Variants in NBAS observed in about 807,000 individuals in gnomAD.
NBAS encodes NBAS subunit of NRZ tethering complex.
In NBAS, 219 loss-of-function variants were observed where a neutral mutation model predicts 302.5. The ratio of observed to expected loss-of-function variants is 0.72; its 90% CI spans 0.65 to 0.81. The LOEUF (loss-of-function observed/expected upper bound fraction) is 0.81, where lower values mean the gene tolerates loss of function less well. Among genes scored for constraint, NBAS ranks in the 30% least tolerant of loss-of-function variants. NBAS has a pLI of 0.00. For synonymous variants in NBAS, 1,118 were observed against 1,021.6 expected, an observed-to-expected ratio of 1.09 and a Z score of -1.80; for missense variants, 2,932 against 2,841.6, an observed-to-expected ratio of 1.03 and a Z score of -0.72.
chr2:15,340,529 T>C (rs1164135168), intron 35 of NBAS, among the ~76,000 whole-genome samples: 3 of 152,116 alleles, frequency 2.0e-5, no homozygotes, highest in Non-Finnish European at 1.5e-5. Flanking sequence ...AAATTAACTA[T>C]AGATGTTAGG....
chr2:15,137,012 T>C, the NBAS span, among the ~76,000 whole-genome samples: 1 of 152,142 alleles, frequency 6.6e-6, no homozygotes, highest in Non-Finnish European at 1.5e-5. Flanking sequence ...TAGTTCTTGA[T>C]ATGAGTATGA....
intron 35 of NBAS, among the ~76,000 whole-genome samples, chr2:15,350,257 A>G (rs1673288067): frequency 6.6e-6 from 1 of 152,104 alleles, no homozygotes. Flanking sequence ...AATACTAATG[A>G]CTTTGTCAAG....
chr2:15,381,801 G>A (rs953577634), intron 29 of NBAS, among the ~76,000 whole-genome samples: 1 of 152,150 alleles, frequency 6.6e-6, no homozygotes, highest in Non-Finnish European at 1.5e-5. Context: ...AGTTATTCAT[G>A]CATTTAAAAA....
intron 20 of NBAS, 84 bp from the exon 21 acceptor site, chr2:15,461,421 C>CT: frequency 7.1e-7 from 1 of 1,409,946 alleles, no homozygotes; most frequent in Non-Finnish European, 1.0e-6. Context: ...CAAAAACTAA[C>CT]TTTTTTATGC....
chr2:15,561,230 G>A lies in NBAS; in HGVS notation c.75C>T (p.Asp25=). Residue 25 remains aspartate (D), a synonymous_variant, in exon 1 of 52, where the codon GAC becomes GAT. Coordinates refer to ENST00000281513, the MANE Select transcript of NBAS (RefSeq NM_015909.4). ...GTGGCCACTCGGTGTTGACCAACAA[G>A]TCATAGAGAATCGTCTCCTCCTCAC... ...AEGEEETILY[D]LLVNTEWPPE... is the part of the protein sequence containing the mutation. The A allele has an allele frequency of 6.2e-7, 1 of 1,613,994 alleles. No individual in the cohort carries two copies. Among genetic ancestry groups the A allele is most frequent in the South Asian group, 1.1e-5 (1 of 91,072 alleles).
chr2:15,009,603 T>TACACAC, the NBAS span, among the ~76,000 whole-genome samples: 37 of 130,778 alleles, frequency 2.8e-4, no homozygotes, highest in Admixed American at 8.0e-4. Flanking sequence ...TGCAACATCA[T>TACACAC]ACACACACAC....
In NBAS at chr2:15,488,881, C is replaced by G. The variant is rs200789412; in HGVS notation, c.1083+13G>C. ...CCTTAAGAGAGTATCATTCTAATAA[C>G]CAAGAGACGCACCTGCTCATTTTGA... On this transcript the variant is annotated intron_variant, in intron 12 of 51. Coordinates refer to ENST00000281513, the MANE Select transcript of NBAS (RefSeq NM_015909.4). 1.2e-4 allele frequency: 188 copies of G among 1,613,064 alleles called. No homozygotes were observed. Among genetic ancestry groups the G allele is most frequent in the Non-Finnish European group, 1.6e-4 (183 of 1,179,398 alleles).
At chr2:14,840,642 G>GC in the NBAS span, among the ~76,000 whole-genome samples, 1 of 150,144 alleles carries the variant, frequency 6.7e-6, no homozygotes, top group Non-Finnish European at 1.5e-5. Flanking sequence ...AGTGCCAAAA[G>GC]AAAAAAAAAT....
At chr2:15,077,369 G>GACAAACTATATC in the NBAS span, among the ~76,000 whole-genome samples, 21 of 152,136 alleles carry the variant, frequency 1.4e-4, no homozygotes, top group Non-Finnish European at 2.6e-4. Flanking sequence ...GGGGCACAGA[G>GACAAACTATATC]ACAAACTATA....
the NBAS span, among the ~76,000 whole-genome samples, chr2:15,042,735 C>G: frequency 1.3e-5 from 2 of 152,166 alleles, no homozygotes; most frequent in Non-Finnish European, 2.9e-5. Flanking sequence ...GCCCTGGCTG[C>G]CTGCCTAACA....
intron 32 of NBAS, among the ~76,000 whole-genome samples, chr2:15,364,431 T>A (rs772217602): frequency 4.9e-4 from 74 of 152,194 alleles, no homozygotes; most frequent in Admixed American, 9.2e-4. Context: ...CTCGGGAGGC[T>A]AAGGCAGGAG....
At chr2:15,203,898 G>A (rs1050235867) in intron 48 of NBAS, among the ~76,000 whole-genome samples, 1 of 148,530 alleles carries the variant, frequency 6.7e-6, no homozygotes, top group Admixed American at 6.7e-5. Context: ...GCTTGTGTGT[G>A]TGTGTGTGTG....
the NBAS span, among the ~76,000 whole-genome samples, chr2:15,025,749 A>G: frequency 1.3e-5 from 2 of 151,846 alleles, no homozygotes; most frequent in Non-Finnish European, 2.9e-5. Flanking sequence ...TGCATTTCTG[A>G]TTTGGCTCTC....
the NBAS span, among the ~76,000 whole-genome samples, chr2:15,002,585 G>A: frequency 1.3e-5 from 2 of 152,218 alleles, no homozygotes; most frequent in African/African-American, 2.4e-5. Flanking sequence ...TGGAGCAGGG[G>A]GTGGCACTCA....
chr2:15,361,478 A>C (rs1197600032), intron 32 of NBAS, among the ~76,000 whole-genome samples: 3 of 151,918 alleles, frequency 2.0e-5, no homozygotes, highest in African/African-American at 7.3e-5. Flanking sequence ...GCACCACCGC[A>C]CTCCAGCCTG....
intron 34 of NBAS, among the ~76,000 whole-genome samples, 195 bp from the exon 35 acceptor site, chr2:15,352,276 C>T (rs531636418): frequency 6.6e-6 from 1 of 152,062 alleles, no homozygotes; most frequent in African/African-American, 2.4e-5. Flanking sequence ...AAGTGGGGAT[C>T]AAGTGTGAAA....
intron 7 of NBAS, among the ~76,000 whole-genome samples, chr2:15,537,149 ACTTTGGC>A (rs1663558579): frequency 6.6e-6 from 1 of 152,238 alleles, no homozygotes; most frequent in Non-Finnish European, 1.5e-5. Context: ...AAAATATGCC[ACTTTGGC>A]ATAAGGATTA....
At position 15,270,671 on chromosome 2, in the gene NBAS, G is replaced by T. The variant is rs149733537; in HGVS notation, c.5724+4813C>A. Among the ~76,000 whole-genome samples, 779 of 152,122 alleles carry T rather than the reference G, an allele frequency of 5.1e-3. 3 individuals are homozygous for T. Among genetic ancestry groups the T allele is most frequent in the African/African-American group, 0.016 (665 of 41,508 alleles). On this transcript the variant is annotated intron_variant, in intron 44 of 51. Coordinates refer to ENST00000281513, the MANE Select transcript of NBAS (RefSeq NM_015909.4). Reference sequence around the variant, plus strand: ...GGACATAGGAAATAAGAGATAAAAGGCACCATCCCTGTCCTCAAAAATTTC... The same window carrying T: ...GGACATAGGAAATAAGAGATAAAAGTCACCATCCCTGTCCTCAAAAATTTC...
At chr2:15,420,550 G>T (rs913109825) in intron 23 of NBAS, among the ~76,000 whole-genome samples, 2 of 152,134 alleles carry the variant, frequency 1.3e-5, no homozygotes, top group Admixed American at 6.5e-5. Flanking sequence ...GAGGGGCAGA[G>T]AGAGTAGATG....
Sources: gnomAD v4.1 joint callset for allele counts (sites outside exome capture counted in the v4.1 genomes callset) on GRCh38, gnomAD v4.1.1 for gene constraint, MANE v1.5 for transcripts, NCBI Gene and HGNC (gene_info 2026-07-23, HGNC 2026-07-21) for gene names.